The following EML6 variants were observed in gnomAD, a reference collection of about 807,000 sequenced individuals.
EML6 encodes the protein EMAP like 6, also known as echinoderm microtubule-associated protein-like 6.
Under a neutral mutation model 240.1 loss-of-function variants are expected in EML6, and 154 were observed. The ratio of observed to expected loss-of-function variants is 0.64; its 90% CI spans 0.56 to 0.73. The LOEUF (loss-of-function observed/expected upper bound fraction) is 0.73. EML6 is among the 30% of genes least tolerant of loss of function. The probability of loss-of-function intolerance (pLI) is 0.00; values close to 1 mark genes in which losing one functional copy is unlikely to be tolerated. For missense variants in EML6, 2,964 were observed against 2,474.6 expected (o/e 1.20, Z -4.20); for synonymous variants, 1,148 against 899.0 (o/e 1.28, Z -4.95).
At chr2:54,750,435 T>C (rs1684109018) in intron 2 of EML6, among the ~76,000 whole-genome samples, 1 of 152,138 alleles carries the variant, frequency 6.6e-6, no homozygotes, top group Non-Finnish European at 1.5e-5. Flanking sequence ...GTTTAGAGAC[T>C]TTCAGTTCAG....
At chr2:54,864,724 T>C (rs1353780913) in intron 13 of EML6, among the ~76,000 whole-genome samples, 1 of 152,250 alleles carries the variant, frequency 6.6e-6, no homozygotes, top group Non-Finnish European at 1.5e-5. Context: ...AACTTGCCCA[T>C]GTCCACGTTG....
chr2:54,905,467 C>G (rs1186360862), intron 24 of EML6, among the ~76,000 whole-genome samples: 1 of 151,136 alleles, frequency 6.6e-6, no homozygotes, highest in Non-Finnish European at 1.5e-5. Context: ...AGTGAAGAGT[C>G]CAGAGAAAAG....
intron 28 of EML6, among the ~76,000 whole-genome samples, chr2:54,941,437 C>G (rs1014008595): frequency 1.3e-5 from 2 of 152,202 alleles, no homozygotes; most frequent in African/African-American, 4.8e-5. Flanking sequence ...CTCCCAGCTC[C>G]TTCCTCAGCG....
chr2:54,883,356 C>T (rs776352886), intron 17 of EML6, among the ~76,000 whole-genome samples: 2 of 152,022 alleles, frequency 1.3e-5, no homozygotes, highest in Non-Finnish European at 2.9e-5. Flanking sequence ...TCTATATTTT[C>T]AGCCAATTTA....
At chr2:54,883,706 G>C (rs944106711) in intron 17 of EML6, among the ~76,000 whole-genome samples, 10 of 152,090 alleles carry the variant, frequency 6.6e-5, no homozygotes, top group African/African-American at 2.2e-4. Flanking sequence ...ATTTTGTTTT[G>C]CTTACACATA....
chr2:54,886,695 T>G (rs56246730), intron 17 of EML6, among the ~76,000 whole-genome samples: 1 of 152,222 alleles, frequency 6.6e-6, no homozygotes, highest in Non-Finnish European at 1.5e-5. Flanking sequence ...CTAATGATGT[T>G]GAGCATGTTT....
chr2:54,818,016 T>G (rs1055635558), intron 4 of EML6, among the ~76,000 whole-genome samples: 2 of 96,002 alleles, frequency 2.1e-5, no homozygotes, highest in East Asian at 3.2e-4. Flanking sequence ...TGGGGAGACT[T>G]CACGGCATAT....
chr2:54,777,236 C>T (rs1028360257), intron 2 of EML6, among the ~76,000 whole-genome samples: 5 of 152,148 alleles, frequency 3.3e-5, no homozygotes, highest in Admixed American at 1.3e-4. Flanking sequence ...GAGCCAAATG[C>T]CTTCTCACTG....
intron 24 of EML6, among the ~76,000 whole-genome samples, chr2:54,904,690 C>T (rs1573112057): frequency 6.6e-6 from 1 of 152,200 alleles, no homozygotes; most frequent in African/African-American, 2.4e-5. Flanking sequence ...TAGAGCAGAA[C>T]TTTCATGCTG....
intron 2 of EML6, among the ~76,000 whole-genome samples, chr2:54,772,998 C>T (rs892741755): frequency 6.6e-6 from 1 of 152,356 alleles, no homozygotes. Flanking sequence ...TAGGGCAACA[C>T]TGACCTTTCC....
At position 54,968,749 on chromosome 2, in the gene EML6, A is replaced by G. The variant is rs895169650; in HGVS notation, c.5833A>G (p.Thr1945Ala). The change falls in exon 41 of 42, where the codon ACT becomes GCT. Residue 1945 changes from threonine to alanine, a missense_variant. Thr to Ala is a moderately conservative substitution (Grantham distance 58). Coordinates refer to ENST00000356458, the MANE Select transcript of EML6 (RefSeq NM_001039753.4). ...FSYDDKYVVS[T>A]GGDDCSVFVW... ...TTATGATGACAAGTATGTGGTCAGC[A>G]CTGGAGGAGACGACTGCAGGTACTA... is the stretch of plus-strand genomic sequence containing the variant. 5.2e-6 allele frequency: 8 copies of G among 1,543,222 alleles called. No individual in the cohort carries two copies. In the African/African-American group the frequency reaches 8.2e-5, roughly 16 times the overall value.
At chr2:54,780,914 A>C (rs1165170861) in intron 2 of EML6, among the ~76,000 whole-genome samples, 1 of 152,224 alleles carries the variant, frequency 6.6e-6, no homozygotes, top group Non-Finnish European at 1.5e-5. Flanking sequence ...GAAGGTTCAA[A>C]TCCCATGCTT....
At chr2:54,903,819 C>T (rs1673180206) in intron 24 of EML6, among the ~76,000 whole-genome samples, 1 of 152,174 alleles carries the variant, frequency 6.6e-6, no homozygotes, top group Non-Finnish European at 1.5e-5. Context: ...GTGCTTTCTC[C>T]TTGTCTTGGG....
intron 4 of EML6, among the ~76,000 whole-genome samples, chr2:54,818,439 C>T (rs955229964): frequency 1.3e-5 from 2 of 152,186 alleles, no homozygotes; most frequent in African/African-American, 4.8e-5. Context: ...GCCATCTATT[C>T]AGACCATGCC....
chr2:54,748,648 C>T (rs947157825), intron 2 of EML6, among the ~76,000 whole-genome samples: 7 of 152,134 alleles, frequency 4.6e-5, no homozygotes, highest in African/African-American at 1.4e-4. Flanking sequence ...CAGATTCAAC[C>T]TCCTGGACTC....
At chr2:54,877,992 G>GA (rs1639577071) in intron 16 of EML6, among the ~76,000 whole-genome samples, 2 of 152,358 alleles carry the variant, frequency 1.3e-5, no homozygotes, top group East Asian at 3.9e-4. Flanking sequence ...TAGCAATTGA[G>GA]ATGGGGTTGC....
chr2:54,885,592 A>G (rs974848263), intron 17 of EML6, among the ~76,000 whole-genome samples: 1 of 151,950 alleles, frequency 6.6e-6, no homozygotes, highest in Non-Finnish European at 1.5e-5. Context: ...CCTAGCTCCA[A>G]TATCCATATT....
At chr2:54,744,778 A>G (rs1032711953) in intron 2 of EML6, among the ~76,000 whole-genome samples, 1 of 152,026 alleles carries the variant, frequency 6.6e-6, no homozygotes, top group South Asian at 2.1e-4. Context: ...TGAGGTGCCT[A>G]TTGAAAATTT....
rs145643715 is a variant in EML6 at position 54,966,687 on chromosome 2, G to A, written c.5494-313G>A. 1.2e-3 allele frequency: 221 copies of A among 180,020 alleles called. 1 individual carries two copies. The highest frequency in any genetic ancestry group is 2.5e-3 in the Middle Eastern group (5 of 2,006). 11.2% of individuals were successfully genotyped at this position (180,020 alleles called of 1,614,324 possible). A position where few individuals can be genotyped will look rare whatever the true frequency, so the allele number is the denominator to read the frequency against. On this transcript the variant is annotated intron_variant, in intron 38 of 41. Coordinates refer to ENST00000356458, the MANE Select transcript of EML6 (RefSeq NM_001039753.4). ...GTGTCTGTCTGGGTAGGTTTGGGGT[G>A]GGGCCCAAAAATTTGCATTTCTAAC...
Sources: gnomAD v4.1 joint callset for allele counts (sites outside exome capture counted in the v4.1 genomes callset) on GRCh38, gnomAD v4.1.1 for gene constraint, MANE v1.5 for transcripts, NCBI Gene and HGNC (gene_info 2026-07-23, HGNC 2026-07-21) for gene names.